PMP22: variants seen among roughly 807,000 people sequenced by gnomAD.
PMP22 encodes the protein peripheral myelin protein 22.
In PMP22, 2 loss-of-function variants were observed where a neutral mutation model predicts 18.9. That is an observed-to-expected ratio of 0.11 (90% CI 0.04 to 0.33). The LOEUF (loss-of-function observed/expected upper bound fraction) is 0.33. PMP22 is among the 10% of genes least tolerant of loss of function. The pLI is 1.00. For synonymous variants in PMP22, 95 were observed against 89.2 expected (o/e 1.07, Z -0.37); for missense variants, 169 against 202.2 (o/e 0.84, Z 1.00).
At chr17:15,234,291 G>C (rs1244335437) in intron 4 of PMP22, among the ~76,000 whole-genome samples, 3 of 152,334 alleles carry the variant, frequency 2.0e-5, no homozygotes, top group Middle Eastern at 3.4e-3. Context: ...CAAAGAGTAA[G>C]TAGCTAACAG....
At position 15,260,638 on chromosome 17, in the gene PMP22, C is replaced by G. The variant is rs1909236298; in HGVS notation, c.78+12G>C. The G allele has an allele frequency of 4.5e-6, 7 of 1,550,930 alleles. No homozygotes were observed. The South Asian group carries it at 5.9e-5, about 13-fold the overall frequency. On this transcript the variant is annotated intron_variant, in intron 2 of 4. Transcript: ENST00000312280. ...GCGGGCCGCGCAGGGAGCCTCCCCG[C>G]CAGGCACTCACGCTGACGATCGTGG...
chr17:15,262,890 CGGATGCCCA>C (rs1350911889), intron 1 of PMP22, among the ~76,000 whole-genome samples: 1 of 152,192 alleles, frequency 6.6e-6, no homozygotes, highest in Non-Finnish European at 1.5e-5. Context: ...TGTAGCTCAG[CGGATGCCCA>C]GGGCTGGGCT....
chr17:15,245,661 G>A (rs1907735610), intron 3 of PMP22, among the ~76,000 whole-genome samples: 1 of 152,116 alleles, frequency 6.6e-6, no homozygotes, highest in Non-Finnish European at 1.5e-5. Flanking sequence ...GGCTGTTATT[G>A]AGGGGCCAGG....
At chr17:15,251,601 G>A (rs1208139522) in intron 3 of PMP22, 1 of 153,606 alleles carries the variant, frequency 6.5e-6, no homozygotes, top group East Asian at 2.0e-4. Flanking sequence ...GGATAGGAAG[G>A]AGGGATGGGC....
intron 1 of PMP22, among the ~76,000 whole-genome samples, chr17:15,263,619 T>A (rs1238878870): frequency 1.3e-5 from 2 of 150,188 alleles, no homozygotes; most frequent in Non-Finnish European, 2.9e-5. Context: ...CTACCTCTAG[T>A]GTACTGTGTC....
chr17:15,238,205 T>C (rs1374920516), intron 4 of PMP22, among the ~76,000 whole-genome samples: 1 of 152,178 alleles, frequency 6.6e-6, no homozygotes, highest in Non-Finnish European at 1.5e-5. Flanking sequence ...TTTTGAAATC[T>C]CAAAACCATG....
chr17:15,250,063 CG>C (rs1470781159), intron 3 of PMP22, among the ~76,000 whole-genome samples: 1 of 152,094 alleles, frequency 6.6e-6, no homozygotes, highest in Non-Finnish European at 1.5e-5. Context: ...CTACAGGCAC[CG>C]GCCACCACGC....
chr17:15,236,194 T>G (rs1906794740), intron 4 of PMP22, among the ~76,000 whole-genome samples: 1 of 151,974 alleles, frequency 6.6e-6, no homozygotes, highest in Admixed American at 6.6e-5. Flanking sequence ...CAAGAAGAGA[T>G]AGTTCCTAAC....
intron 3 of PMP22, among the ~76,000 whole-genome samples, chr17:15,255,450 T>C (rs1430293397): frequency 6.6e-6 from 1 of 152,118 alleles, no homozygotes; most frequent in African/African-American, 2.4e-5. Flanking sequence ...AGCAGCCTTT[T>C]GTTTCCTGAA....
intron 1 of PMP22, 78 bp from the exon 2 acceptor site, chr17:15,260,839 G>T (rs1199521049): frequency 2.0e-6 from 2 of 1,023,768 alleles, no homozygotes; most frequent in Non-Finnish European, 3.0e-6. Flanking sequence ...AGGGTCCCGC[G>T]CACTAGCGGA....
intron 1 of PMP22, 77 bp downstream of exon 1, chr17:15,265,077 G>A (rs1024781353): frequency 1.3e-5 from 2 of 152,106 alleles, no homozygotes; most frequent in African/African-American, 4.8e-5. Context: ...GCGGCTTGCA[G>A]GGGGTGGGAA....
intron 3 of PMP22, among the ~76,000 whole-genome samples, chr17:15,254,327 C>T (rs1908624540): frequency 6.6e-6 from 1 of 152,104 alleles, no homozygotes; most frequent in African/African-American, 2.4e-5. Context: ...AGGAGGCTGC[C>T]CTGGCGCCTC....
chr17:15,249,259 G>A (rs1003494335), intron 3 of PMP22, among the ~76,000 whole-genome samples: 1 of 152,140 alleles, frequency 6.6e-6, no homozygotes, highest in Non-Finnish European at 1.5e-5. Flanking sequence ...TCCTGAACAT[G>A]AACAGAGGCT....
chr17:15,235,633 G>A (rs1434717824), intron 4 of PMP22, among the ~76,000 whole-genome samples: 1 of 152,168 alleles, frequency 6.6e-6, no homozygotes, highest in Non-Finnish European at 1.5e-5. Context: ...ACAGTTTAAT[G>A]GCTATGTCAG....
intron 4 of PMP22, among the ~76,000 whole-genome samples, chr17:15,236,157 T>C (rs1742375554): frequency 6.6e-6 from 1 of 152,014 alleles, no homozygotes; most frequent in Admixed American, 6.6e-5. Flanking sequence ...TTGATATGCA[T>C]TCAGGAAGCA....
chr17:15,261,930 A>G lies in PMP22; in HGVS notation c.-34-1169T>C, dbSNP rs1003213818. 14 of 152,220 alleles carry G rather than the reference A, an allele frequency of 9.2e-5. No homozygotes were observed. The highest frequency in any genetic ancestry group is 3.1e-4 in the African/African-American group (13 of 41,450). 9.4% of individuals were successfully genotyped at this position (152,220 alleles called of 1,614,324 possible). ...GTTTCAATAACCCAGTTTGGAAAGT[A>G]CCCAATCCCAGGCCCCTCTGTTCCT... On this transcript the variant is annotated intron_variant, in intron 1 of 4. Transcript: ENST00000312280. This position sits in a 1 kb window ranked among gnomAD's most constrained non-coding sequence, Gnocchi z 5.2.
intron 3 of PMP22, among the ~76,000 whole-genome samples, chr17:15,256,181 G>A (rs1181167398): frequency 1.3e-5 from 2 of 152,096 alleles, no homozygotes; most frequent in Non-Finnish European, 2.9e-5. Context: ...ATGTAGCCTG[G>A]GGGCAAGATC....
chr17:15,248,782 TC>T lies in PMP22; in HGVS notation c.179-9172del, dbSNP rs570705511. 1.7e-4 allele frequency among the ~76,000 whole-genome samples: 26 copies of T among 152,336 alleles called. 1 individual carries two copies. Among genetic ancestry groups the T allele is most frequent in the South Asian group, 1.7e-3 (8 of 4,828 alleles). On this transcript the variant is annotated intron_variant, in intron 3 of 4. Transcript: ENST00000312280. ...GTAATTCACAATGTACCATGAATGA[TC>T]AAAGCCTGCTTAACTTTCAAAACTT...
At chr17:15,247,711 C>A (rs1217154176) in intron 3 of PMP22, among the ~76,000 whole-genome samples, 4 of 152,164 alleles carry the variant, frequency 2.6e-5, no homozygotes, top group Admixed American at 2.6e-4. Flanking sequence ...CAGCATGGAA[C>A]CAACCCTGCC....
Sources: gnomAD v4.1 joint callset for allele counts (sites outside exome capture counted in the v4.1 genomes callset) on GRCh38, gnomAD v4.1.1 for gene constraint, Gnocchi (gnomAD v3.1) non-coding constraint, MANE v1.5 for transcripts, NCBI Gene and HGNC (gene_info 2026-07-23, HGNC 2026-07-21) for gene names.